Variants in MAGI2 observed in about 807,000 individuals in gnomAD.
The protein encoded by MAGI2 is membrane-associated guanylate kinase, WW and PDZ domain-containing protein 2.
MAGI2 carries 35 observed loss-of-function variants against 133.3 expected under a neutral mutation model. That is an observed-to-expected ratio of 0.26 (90% CI 0.20 to 0.35). MAGI2 has a LOEUF of 0.35. Among genes scored for constraint, MAGI2 ranks in the 10% least tolerant of loss-of-function variants. The probability of loss-of-function intolerance (pLI) is 1.00; values close to 1 mark genes in which losing one functional copy is unlikely to be tolerated. For synonymous variants in MAGI2, 729 were observed against 710.6 expected (o/e 1.03, Z -0.41); for missense variants, 1,636 against 1,863.4 (o/e 0.88, Z 2.25).
chr7:78,664,360 G>A (rs113500680), intron 2 of MAGI2, among the ~76,000 whole-genome samples: 2 of 151,926 alleles, frequency 1.3e-5, no homozygotes, highest in African/African-American at 4.8e-5. Context: ...TATATTTTAC[G>A]GAAGTGTAAT....
chr7:78,091,277 C>CA (rs1817183492), intron 20 of MAGI2, among the ~76,000 whole-genome samples: 1 of 151,964 alleles, frequency 6.6e-6, no homozygotes, highest in Admixed American at 6.6e-5. Context: ...GTTTTTGGGT[C>CA]ATGAATGGGT....
intron 3 of MAGI2, among the ~76,000 whole-genome samples, chr7:78,583,702 T>C (rs1803091701): frequency 6.6e-6 from 1 of 152,088 alleles, no homozygotes; most frequent in East Asian, 1.9e-4. Context: ...GTGACAGTAA[T>C]GATATTATCC....
intron 1 of MAGI2, among the ~76,000 whole-genome samples, chr7:79,285,042 C>G (rs1253049084): frequency 6.6e-6 from 1 of 151,978 alleles, no homozygotes; most frequent in Non-Finnish European, 1.5e-5. Context: ...GAAGTTATAT[C>G]TGGCAAGAAC....
rs544349754 is a variant in MAGI2, at chr7:79,391,223, T to C, written c.301+61797A>G. ...CTTTGGAAAATGAGTAGAAACAAGC[T>C]CTTTTTTGTACTTAGAGGAAACAGG... On this transcript the variant is annotated intron_variant, in intron 1 of 21. Transcript: ENST00000354212. Among the ~76,000 whole-genome samples the C allele has an allele frequency of 3.9e-5, 6 of 152,140 alleles. No individual in the cohort carries two copies. The East Asian group carries it at 1.2e-3, about 30-fold the overall frequency.
At position 78,891,185 on chromosome 7, in the gene MAGI2, T is replaced by C. The variant is rs571826337; in HGVS notation, c.418+115905A>G. Among the ~76,000 whole-genome samples the C allele has an allele frequency of 3.8e-3, 571 of 152,244 alleles. 4 individuals are homozygous for C. Among genetic ancestry groups the C allele is most frequent in the African/African-American group, 0.013 (546 of 41,534 alleles). On this transcript the variant is annotated intron_variant, in intron 2 of 21. Coordinates refer to ENST00000354212, the MANE Select transcript of MAGI2 (RefSeq NM_012301.4). The stretch of plus-strand genomic sequence containing the variant: ...CTCCCAAGACTAAACCAGGAAGAAG[T>C]TGAATTTCTGAATAGACCAATAACA...
intron 20 of MAGI2, among the ~76,000 whole-genome samples, chr7:78,092,421 CAT>C (rs896289100): frequency 1.3e-5 from 2 of 152,164 alleles, no homozygotes; most frequent in African/African-American, 4.8e-5. Flanking sequence ...TTTAAAGTCA[CAT>C]ATTAATTACT....
At chr7:79,088,693 T>C (rs1355296642) in intron 1 of MAGI2, among the ~76,000 whole-genome samples, 5 of 152,122 alleles carry the variant, frequency 3.3e-5, no homozygotes, top group Non-Finnish European at 7.4e-5. Context: ...CATCAGTACC[T>C]AGTTTATTGA....
At chr7:78,531,467 C>T (rs1013960477) in intron 3 of MAGI2, among the ~76,000 whole-genome samples, 37 of 152,232 alleles carry the variant, frequency 2.4e-4, no homozygotes, top group African/African-American at 8.7e-4. Flanking sequence ...CTGCTTTGGA[C>T]TCCCAAAGTA....
At chr7:79,183,807 A>G (rs1277567087) in intron 1 of MAGI2, among the ~76,000 whole-genome samples, 1 of 151,964 alleles carries the variant, frequency 6.6e-6, no homozygotes, top group Non-Finnish European at 1.5e-5. Flanking sequence ...TTCAGCCTTT[A>G]AAAACAGGTA....
At chr7:79,436,038 A>T (rs1404012775) in intron 1 of MAGI2, among the ~76,000 whole-genome samples, 2 of 152,128 alleles carry the variant, frequency 1.3e-5, no homozygotes, top group African/African-American at 2.4e-5. Flanking sequence ...CTATTCAATA[A>T]ATGGTGCTGA....
chr7:78,361,727 T>C (rs1013047858), intron 7 of MAGI2, among the ~76,000 whole-genome samples: 1 of 152,116 alleles, frequency 6.6e-6, no homozygotes, highest in Non-Finnish European at 1.5e-5. Flanking sequence ...TTAAGTAAGG[T>C]TGTTGATAAG....
chr7:79,098,011 A>C (rs1817663029), intron 1 of MAGI2, among the ~76,000 whole-genome samples: 1 of 152,154 alleles, frequency 6.6e-6, no homozygotes, highest in Non-Finnish European at 1.5e-5. Context: ...ACTCCCAGCT[A>C]CTTGGGAGGC....
chr7:78,951,209 G>A (rs535965532), intron 2 of MAGI2, among the ~76,000 whole-genome samples: 2 of 152,002 alleles, frequency 1.3e-5, no homozygotes, highest in African/African-American at 2.4e-5. Flanking sequence ...CCAACCTTAA[G>A]TGATCCACCA....
intron 12 of MAGI2, among the ~76,000 whole-genome samples, chr7:78,188,299 A>G (rs1317962378): frequency 6.6e-6 from 1 of 152,222 alleles, no homozygotes; most frequent in African/African-American, 2.4e-5. Context: ...GACACAGCTT[A>G]ACCGGATTTA....
At chr7:78,622,393 G>T (rs890008471) in intron 3 of MAGI2, among the ~76,000 whole-genome samples, 1 of 152,016 alleles carries the variant, frequency 6.6e-6, no homozygotes, top group Non-Finnish European at 1.5e-5. Flanking sequence ...AGGCGAGGAG[G>T]AGGAAAGGGA....
At chr7:78,503,466 C>T (rs915896779) in intron 4 of MAGI2, among the ~76,000 whole-genome samples, 5 of 151,480 alleles carry the variant, frequency 3.3e-5, no homozygotes, top group African/African-American at 1.2e-4. Flanking sequence ...GAAGGCTTCC[C>T]CCATCCTGTT....
intron 2 of MAGI2, among the ~76,000 whole-genome samples, chr7:78,955,759 T>TTC (rs1376783744): frequency 1.3e-5 from 1 of 79,508 alleles, no homozygotes; most frequent in South Asian, 4.0e-4. Flanking sequence ...CTTTCTTTCT[T>TTC]TCTTTCTTTC....
intron 4 of MAGI2, among the ~76,000 whole-genome samples, chr7:78,505,200 G>A (rs1396006431): frequency 2.6e-5 from 4 of 151,778 alleles, no homozygotes; most frequent in African/African-American, 9.7e-5. Context: ...TAATTGCATG[G>A]GCCAATTTTT....
intron 3 of MAGI2, among the ~76,000 whole-genome samples, chr7:78,561,160 C>G (rs1440106085): frequency 6.6e-6 from 1 of 152,062 alleles, no homozygotes; most frequent in African/African-American, 2.4e-5. Context: ...AAGAAGCAGA[C>G]AAACTAGGAA....
Sources: gnomAD v4.1 joint callset for allele counts (sites outside exome capture counted in the v4.1 genomes callset) on GRCh38, gnomAD v4.1.1 for gene constraint, MANE v1.5 for transcripts, NCBI Gene and HGNC (gene_info 2026-07-23, HGNC 2026-07-21) for gene names.